AUTS2: variants seen among roughly 807,000 people sequenced by gnomAD.
AUTS2 encodes activator of transcription and developmental regulator AUTS2, also known as autism susceptibility gene 2 protein.
In AUTS2, 17 loss-of-function variants were observed where a neutral mutation model predicts 112.4. The ratio of observed to expected loss-of-function variants is 0.15; its 90% CI spans 0.10 to 0.23. AUTS2 has a LOEUF of 0.23. Ranked by LOEUF, AUTS2 falls within the 10% of genes least tolerant of loss-of-function variation. The pLI is 1.00. For missense variants in AUTS2, 1,510 were observed against 1,701.6 expected (o/e 0.89, Z 1.98); for synonymous variants, 751 against 702.7 (o/e 1.07, Z -1.09).
chr7:70,584,050 TTATC>T (rs1310471653), intron 5 of AUTS2, among the ~76,000 whole-genome samples: 1 of 152,204 alleles, frequency 6.6e-6, no homozygotes, highest in Non-Finnish European at 1.5e-5. Flanking sequence ...GTTGAATTTG[TTATC>T]TAAGAGGTGT....
chr7:70,528,708 C>T (rs763248602), intron 5 of AUTS2, among the ~76,000 whole-genome samples: 1 of 151,648 alleles, frequency 6.6e-6, no homozygotes, highest in Non-Finnish European at 1.5e-5. Flanking sequence ...CCCAGGAGAT[C>T]GAGGCTGTAG....
intron 10 of AUTS2, among the ~76,000 whole-genome samples, chr7:70,770,191 A>G (rs574305122): frequency 7.4e-4 from 112 of 152,342 alleles, no homozygotes; most frequent in African/African-American, 2.5e-3. Flanking sequence ...CAAGTATCTA[A>G]AACACAATTT....
At chr7:70,695,009 T>A (rs887592739) in intron 5 of AUTS2, 1 of 152,212 alleles carries the variant, frequency 6.6e-6, no homozygotes, top group African/African-American at 2.4e-5. Context: ...AACCATGAAC[T>A]TGGGGCTGAC....
At chr7:69,788,306 C>T (rs953971144) in intron 1 of AUTS2, among the ~76,000 whole-genome samples, 5 of 152,104 alleles carry the variant, frequency 3.3e-5, no homozygotes, top group African/African-American at 1.2e-4. Context: ...AGAGACATTG[C>T]CCCCAGCTTG....
intron 1 of AUTS2, among the ~76,000 whole-genome samples, chr7:69,882,611 T>C (rs6955261): frequency 0.35 from 52,590 of 152,098 alleles, 9,521 homozygotes; most frequent in African/African-American, 0.46. Context: ...AAATAATTAA[T>C]TTGGACTGAA....
intron 5 of AUTS2, among the ~76,000 whole-genome samples, chr7:70,465,407 A>G (rs1797132849): frequency 6.6e-6 from 1 of 152,192 alleles, no homozygotes; most frequent in Admixed American, 6.5e-5. Context: ...GCTACAGGGT[A>G]TGTTAAATTC....
chr7:69,734,894 G>T (rs1277194078), intron 1 of AUTS2, among the ~76,000 whole-genome samples: 1 of 151,988 alleles, frequency 6.6e-6, no homozygotes, highest in Non-Finnish European at 1.5e-5. Flanking sequence ...TCCACCCCCT[G>T]CCCCATTCTC....
chr7:69,836,998 G>A (rs1791757271), intron 1 of AUTS2, among the ~76,000 whole-genome samples: 1 of 152,092 alleles, frequency 6.6e-6, no homozygotes, highest in Non-Finnish European at 1.5e-5. Context: ...CGTTAGAGGG[G>A]ACCCTATAGA....
chr7:70,132,359 T>C (rs1258105740), intron 3 of AUTS2, among the ~76,000 whole-genome samples: 1 of 151,966 alleles, frequency 6.6e-6, no homozygotes, highest in Admixed American at 6.6e-5. Flanking sequence ...AGGGGAGTTA[T>C]AAGGCAGGGT....
chr7:69,993,080 G>A (rs752564219), intron 2 of AUTS2, among the ~76,000 whole-genome samples: 3 of 152,122 alleles, frequency 2.0e-5, no homozygotes, highest in African/African-American at 4.8e-5. Context: ...TACTTTCAGC[G>A]GTCTGTCTCC....
chr7:70,059,653 G>A (rs1022413399), intron 2 of AUTS2, among the ~76,000 whole-genome samples: 3 of 152,140 alleles, frequency 2.0e-5, no homozygotes, highest in Admixed American at 6.5e-5. Context: ...ATTGGAGGAG[G>A]TACATCGTAC....
chr7:70,239,437 T>G (rs939227864), intron 4 of AUTS2, among the ~76,000 whole-genome samples: 5 of 152,138 alleles, frequency 3.3e-5, no homozygotes, highest in African/African-American at 1.2e-4. Context: ...AACCTAATTT[T>G]TTTTGTTTTG....
intron 1 of AUTS2, among the ~76,000 whole-genome samples, chr7:69,859,830 A>C (rs1792895715): frequency 1.3e-5 from 2 of 152,142 alleles, no homozygotes; most frequent in Non-Finnish European, 2.9e-5. Context: ...ACAACAACAA[A>C]ACCCTAGTAG....
At chr7:70,604,706 A>T (rs1803642815) in intron 5 of AUTS2, among the ~76,000 whole-genome samples, 1 of 152,188 alleles carries the variant, frequency 6.6e-6, no homozygotes. Context: ...TATGGACAAG[A>T]AAGGAGAACC....
rs536660800 is a variant in AUTS2 at position 70,244,966 on chromosome 7, A to C, written c.660+110395A>C. ...AAAACCCCGTCTCTACTAAAAATAC[A>C]AAAATTAGCTGGGTGTGGTGGCGCA... On this transcript the variant is annotated intron_variant, in intron 4 of 18. Coordinates refer to ENST00000342771, the MANE Select transcript of AUTS2 (RefSeq NM_015570.4). Among the ~76,000 whole-genome samples, 198 of 151,828 alleles carry C rather than the reference A, an allele frequency of 1.3e-3. 2 individuals carry two copies. The highest frequency in any genetic ancestry group is 4.7e-3 in the African/African-American group (193 of 41,388).
chr7:70,223,212 C>G (rs1811577912), intron 4 of AUTS2, among the ~76,000 whole-genome samples: 1 of 152,082 alleles, frequency 6.6e-6, no homozygotes, highest in Non-Finnish European at 1.5e-5. Flanking sequence ...ATTAATAGAT[C>G]ATCCTTATTT....
At chr7:70,362,467 T>C (rs1454064074) in intron 4 of AUTS2, among the ~76,000 whole-genome samples, 1 of 152,152 alleles carries the variant, frequency 6.6e-6, no homozygotes, top group East Asian at 1.9e-4. Context: ...GGGATCTGGT[T>C]TTCAAATGTT....
chr7:70,642,646 T>G (rs1220182072), intron 5 of AUTS2, among the ~76,000 whole-genome samples: 1 of 152,176 alleles, frequency 6.6e-6, no homozygotes, highest in African/African-American at 2.4e-5. Flanking sequence ...ATGACATTCC[T>G]TCCCTACATT....
intron 1 of AUTS2, among the ~76,000 whole-genome samples, chr7:69,750,307 T>C (rs1366904022): frequency 6.6e-6 from 1 of 151,702 alleles, no homozygotes; most frequent in African/African-American, 2.4e-5. Context: ...CTGACAAATA[T>C]TGATTGCCTT....
Sources: gnomAD v4.1 joint callset for allele counts (sites outside exome capture counted in the v4.1 genomes callset) on GRCh38, gnomAD v4.1.1 for gene constraint, MANE v1.5 for transcripts, NCBI Gene and HGNC (gene_info 2026-07-23, HGNC 2026-07-21) for gene names.